The following SAMSN1 variants were observed in gnomAD, a reference collection of about 807,000 sequenced individuals.
SAMSN1 encodes the protein SAM domain, SH3 domain and nuclear localization signals 1, also known as SAM domain-containing protein SAMSN-1.
SAMSN1 carries 31 observed loss-of-function variants against 42.0 expected under a neutral mutation model. The observed-to-expected ratio is 0.74, with a 90% CI of 0.55 to 1.00. SAMSN1 has a LOEUF of 1.00. SAMSN1 is among the 50% of genes least tolerant of loss of function. The pLI, the probability that SAMSN1 is intolerant of heterozygous loss-of-function variation, is 0.00. For missense variants in SAMSN1, 464 were observed against 439.4 expected (o/e 1.06, Z -0.50); for synonymous variants, 178 against 151.9 (o/e 1.17, Z -1.26).
At position 14,512,556 on chromosome 21, in the gene SAMSN1, C is replaced by G; in HGVS notation, c.297G>C (p.Glu99Asp). 1 of 1,613,910 alleles carries G rather than the reference C, an allele frequency of 6.2e-7. No homozygotes were observed. Among genetic ancestry groups the G allele is most frequent in the Non-Finnish European group, 8.5e-7 (1 of 1,179,852 alleles). ...CACTGTTTCTATATGGGTGGGCATT[C>G]TCTCCATCTTCCTCATCCTTCAGAA... ...LSEEKDEEDG[E>D]NAHPYRNSDP... Residue 99 changes from glutamate (E) to aspartate (D), a missense_variant, in exon 4 of 8, where the codon GAG becomes GAC. Transcript: ENST00000400566.
chr21:14,630,086 A>T (rs1365649306), intron 2 of SAMSN1, among the ~76,000 whole-genome samples: 1 of 152,166 alleles, frequency 6.6e-6, no homozygotes. Context: ...GTGATAGGAA[A>T]TCCGATGGGT....
chr21:14,558,984 G>A lies in SAMSN1; in HGVS notation c.261+23152C>T, dbSNP rs967039427. ...CTGAACCCACGAGTTTTCCTGCAAAGCATTCATTGAAATGAAATATCTCCT... is the reference window on the plus strand; with the variant it reads ...CTGAACCCACGAGTTTTCCTGCAAAACATTCATTGAAATGAAATATCTCCT... On this transcript the variant is annotated intron_variant, in intron 2 of 8. Transcript: ENST00000285670. Among the ~76,000 whole-genome samples the A allele has an allele frequency of 3.9e-5, 6 of 152,090 alleles. No homozygotes were observed. The East Asian group carries it at 5.8e-4, about 15-fold the overall frequency.
upstream of SAMSN1, among the ~76,000 whole-genome samples, chr21:14,546,646 T>C (rs545319310): frequency 6.8e-6 from 1 of 147,012 alleles, no homozygotes; most frequent in African/African-American, 2.5e-5. Flanking sequence ...AAATAAAACT[T>C]GAGATGTTGG....
At position 14,567,548 on chromosome 21, in the gene SAMSN1, G is replaced by T. The variant is rs568914766; in HGVS notation, c.261+14588C>A. ...GATTTTTAGCCCAGTCGGTTGGAAA[G>T]CACAAAACTACCTCTGGGGATTTAT... On this transcript the variant is annotated intron_variant, in intron 2 of 8. Coordinates refer to the SAMSN1 transcript ENST00000285670. Among the ~76,000 whole-genome samples, 366 of 152,228 alleles carry T rather than the reference G, an allele frequency of 2.4e-3. 1 individual carries two copies. Among genetic ancestry groups the T allele is most frequent in the African/African-American group, 8.3e-3 (346 of 41,538 alleles).
intron 5 of SAMSN1, among the ~76,000 whole-genome samples, chr21:14,604,231 G>A (rs1018262321): frequency 1.3e-5 from 2 of 152,170 alleles, no homozygotes; most frequent in African/African-American, 2.4e-5. Context: ...CAATATGCAG[G>A]CTATATTTTC....
intron 1 of SAMSN1, among the ~76,000 whole-genome samples, chr21:14,533,856 A>C (rs1979424305): frequency 6.6e-6 from 1 of 152,204 alleles, no homozygotes; most frequent in Admixed American, 6.5e-5. Flanking sequence ...TGGTATTAAG[A>C]CTAGAGACAT....
intron 4 of SAMSN1, among the ~76,000 whole-genome samples, chr21:14,510,663 C>T (rs1379813581): frequency 7.1e-6 from 1 of 139,928 alleles, no homozygotes; most frequent in Non-Finnish European, 1.6e-5. Flanking sequence ...AACCTTTTTC[C>T]TGCCAATCTG....
At chr21:14,623,572 C>T (rs991459543) in intron 2 of SAMSN1, among the ~76,000 whole-genome samples, 5 of 152,196 alleles carry the variant, frequency 3.3e-5, no homozygotes, top group African/African-American at 1.2e-4. Context: ...ACAAGAAGAA[C>T]TAACTATCCT....
At chr21:14,522,588 G>T (rs1399203253) in intron 1 of SAMSN1, among the ~76,000 whole-genome samples, 3 of 152,002 alleles carry the variant, frequency 2.0e-5, no homozygotes, top group African/African-American at 7.2e-5. Flanking sequence ...AAAACCAGGT[G>T]TAACAAAATC....
chr21:14,582,231 T>A (rs1981758266), exon 2 of SAMSN1: 1 of 1,550,720 alleles, frequency 6.4e-7, no homozygotes, highest in African/African-American at 1.4e-5. Flanking sequence ...ACTTGTGCTA[T>A]TTGGAAATCA....
intron 2 of SAMSN1, among the ~76,000 whole-genome samples, chr21:14,641,429 G>A (rs780217775): frequency 1.4e-4 from 21 of 152,070 alleles, no homozygotes; most frequent in Non-Finnish European, 2.5e-4. Context: ...GAAGGTAAGC[G>A]CAAAACTTAA....
rs1489527602 is a variant in SAMSN1, at chr21:14,505,462, A to G, written c.562-4727T>C. Among the ~76,000 whole-genome samples the G allele has an allele frequency of 2.6e-5, 4 of 152,352 alleles. No individual in the cohort carries two copies. The East Asian group carries it at 7.7e-4, about 29-fold the overall frequency. The stretch of plus-strand genomic sequence containing the variant: ...AGGAATAGTTACTGTTATATCAGAC[A>G]AAACAAACTTTAAAGCAACAGAAGT... On this transcript the variant is annotated intron_variant, in intron 5 of 7. Transcript: ENST00000400566.
intron 1 of SAMSN1, among the ~76,000 whole-genome samples, chr21:14,523,563 A>G (rs2123049708): frequency 6.6e-6 from 1 of 152,338 alleles, no homozygotes; most frequent in Middle Eastern, 3.4e-3. Flanking sequence ...CAATCACAGA[A>G]GGGAATTGAG....
intron 5 of SAMSN1, among the ~76,000 whole-genome samples, chr21:14,509,158 AGAAAG>A (rs1445647908): frequency 1.4e-5 from 2 of 147,824 alleles, no homozygotes; most frequent in Non-Finnish European, 2.9e-5. Flanking sequence ...AGAAAAGAAA[AGAAAG>A]GAAAGGAAAG....
intron 5 of SAMSN1, 55 bp downstream of exon 5, chr21:14,510,255 C>T: frequency 1.3e-6 from 2 of 1,541,284 alleles, no homozygotes. Flanking sequence ...TGAAACAGAT[C>T]ATATAATCAG....
intron 2 of SAMSN1, among the ~76,000 whole-genome samples, chr21:14,570,387 G>A (rs1250072062): frequency 6.6e-6 from 1 of 152,182 alleles, no homozygotes; most frequent in African/African-American, 2.4e-5. Flanking sequence ...AATGGCCTAT[G>A]TCCAAGTGGA....
chr21:14,568,726 C>A (rs978091811), intron 2 of SAMSN1, among the ~76,000 whole-genome samples: 1 of 151,848 alleles, frequency 6.6e-6, no homozygotes, highest in Non-Finnish European at 1.5e-5. Context: ...AATTAAGAGC[C>A]AAGTCTACAC....
intron 1 of SAMSN1, among the ~76,000 whole-genome samples, chr21:14,545,928 A>G (rs1390020378): frequency 6.6e-6 from 1 of 152,204 alleles, no homozygotes; most frequent in Middle Eastern, 3.2e-3. Context: ...AGACCACTAA[A>G]TTGATTTTCT....
chr21:14,575,797 C>G (rs1443601653), intron 2 of SAMSN1, among the ~76,000 whole-genome samples: 1 of 152,126 alleles, frequency 6.6e-6, no homozygotes. Context: ...GAATGGAATC[C>G]GTGAATTGTT....
Sources: gnomAD v4.1 joint callset for allele counts (sites outside exome capture counted in the v4.1 genomes callset) on GRCh38, gnomAD v4.1.1 for gene constraint, MANE v1.5 for transcripts, NCBI Gene and HGNC (gene_info 2026-07-23, HGNC 2026-07-21) for gene names.